The following HYDIN variants were observed in gnomAD, a reference collection of about 807,000 sequenced individuals.
HYDIN encodes the protein HYDIN axonemal central pair apparatus protein, also known as axonemal central pair apparatus protein HYDIN.
In HYDIN, 132 loss-of-function variants were observed where a neutral mutation model predicts 403.9. The observed-to-expected ratio is 0.33, with a 90% CI of 0.28 to 0.38. The LOEUF (loss-of-function observed/expected upper bound fraction) is 0.38, where lower values mean the gene tolerates loss of function less well. HYDIN is among the 10% of genes least tolerant of loss of function. The pLI, the probability that HYDIN is intolerant of heterozygous loss-of-function variation, is 1.00. For missense variants in HYDIN, 2,827 were observed against 5,009.5 expected, an observed-to-expected ratio of 0.56 and a Z score of 13.15; for synonymous variants, 1,202 against 1,891.7, an observed-to-expected ratio of 0.64 and a Z score of 9.46.
intron 18 of HYDIN, among the ~76,000 whole-genome samples, chr16:71,038,722 G>A (rs1429682151): frequency 5.9e-5 from 9 of 152,352 alleles, no homozygotes; most frequent in East Asian, 1.9e-4. Context: ...GTGCAGTGGC[G>A]CCATCTCGGA....
chr16:70,885,537 G>C (rs2041077802), intron 58 of HYDIN, among the ~76,000 whole-genome samples: 1 of 152,114 alleles, frequency 6.6e-6, no homozygotes, highest in African/African-American at 2.4e-5. Context: ...CAGAAAGCTA[G>C]AAGAGATGGA....
intron 83 of HYDIN, among the ~76,000 whole-genome samples, chr16:70,820,109 C>T (rs1391862405): frequency 6.0e-5 from 9 of 149,888 alleles, no homozygotes; most frequent in South Asian, 2.1e-4. Flanking sequence ...CTTGAGCCAC[C>T]GCGCCTGGCC....
chr16:71,215,279 G>A lies in HYDIN; in HGVS notation c.-24+15283C>T, dbSNP rs538034945. On this transcript the variant is annotated intron_variant, in intron 1 of 85. Transcript: ENST00000393567. The stretch of plus-strand genomic sequence containing the variant: ...AAGAAAGGGAGGAAGGAGGGGGAAG[G>A]AAGGAGGGAGGGAAAGAGGAAGGGA... 1.8e-3 allele frequency among the ~76,000 whole-genome samples: 280 copies of A among 152,180 alleles called. 3 individuals are homozygous for A. Among genetic ancestry groups the A allele is most frequent in the Non-Finnish European group, 3.4e-3 (228 of 67,994 alleles).
At position 70,979,639 on chromosome 16, in the gene HYDIN, G is replaced by A. The variant is rs558064568; in HGVS notation, c.4511-598C>T. ...CAAAGGTAGGAAAGTCATTTAAAATGCCTACTATAGGCCAGGTGTGGTGGC... is the reference window on the plus strand; with the variant it reads ...CAAAGGTAGGAAAGTCATTTAAAATACCTACTATAGGCCAGGTGTGGTGGC... On this transcript the variant is annotated intron_variant, in intron 29 of 85. Transcript: ENST00000393567. Among the ~76,000 whole-genome samples the A allele has an allele frequency of 2.0e-5, 3 of 152,282 alleles. No homozygotes were observed. The South Asian group carries it at 6.2e-4, about 32-fold the overall frequency.
chr16:71,224,998 G>C (rs1227611283), intron 1 of HYDIN, among the ~76,000 whole-genome samples: 1 of 152,212 alleles, frequency 6.6e-6, no homozygotes, highest in Non-Finnish European at 1.5e-5. Context: ...AGACAATCCA[G>C]CTTGGCTCAG....
At chr16:70,937,239 T>C (rs71403809) in intron 44 of HYDIN, among the ~76,000 whole-genome samples, 18,733 of 149,534 alleles carry the variant, frequency 0.13, 1,528 homozygotes, top group Non-Finnish European at 0.19. Context: ...ATGAGATGAA[T>C]GCCTGAAAGC....
intron 18 of HYDIN, among the ~76,000 whole-genome samples, chr16:71,040,499 C>T (rs1174515026): frequency 2.7e-5 from 4 of 147,230 alleles, no homozygotes; most frequent in Non-Finnish European, 6.0e-5. Context: ...CCCCCTCCCC[C>T]CCACACACAC....
In HYDIN at chr16:71,054,002, C is replaced by T. The variant is rs561390876; in HGVS notation, c.2529+6502G>A. 2.6e-5 allele frequency among the ~76,000 whole-genome samples: 4 copies of T among 152,318 alleles called. No individual in the cohort carries two copies. In the East Asian group the frequency reaches 7.7e-4, roughly 29 times the overall value. Reference sequence around the variant, plus strand: ...TGATGGCTGACTTTTATCATGCAACCTTGGCCAGTTCTCTTAACCAAGAGA... The same window carrying T: ...TGATGGCTGACTTTTATCATGCAACTTTGGCCAGTTCTCTTAACCAAGAGA... On this transcript the variant is annotated intron_variant, in intron 18 of 85. Transcript: ENST00000393567.
At chr16:70,839,226 T>G (rs1483099029) in intron 76 of HYDIN, among the ~76,000 whole-genome samples, 1 of 119,922 alleles carries the variant, frequency 8.3e-6, no homozygotes, top group East Asian at 2.2e-4. Flanking sequence ...ATCCTAATAG[T>G]CTTATATAGA....
At chr16:71,089,642 T>C (rs1269580801) in intron 11 of HYDIN, among the ~76,000 whole-genome samples, 6 of 152,200 alleles carry the variant, frequency 3.9e-5, no homozygotes, top group African/African-American at 1.4e-4. Context: ...TTAGAGATTA[T>C]TGTCATCCCT....
intron 1 of HYDIN, among the ~76,000 whole-genome samples, chr16:71,221,889 C>T (rs184761029): frequency 3.9e-5 from 6 of 152,216 alleles, no homozygotes; most frequent in Non-Finnish European, 7.3e-5. Context: ...TGTAAACAGA[C>T]CATAGCCTAC....
chr16:71,219,133 TC>T (rs1304658827), intron 1 of HYDIN, among the ~76,000 whole-genome samples: 1 of 152,198 alleles, frequency 6.6e-6, no homozygotes, highest in Non-Finnish European at 1.5e-5. Context: ...AAAATGAGCA[TC>T]AACAACATAG....
intron 75 of HYDIN, among the ~76,000 whole-genome samples, chr16:70,842,460 A>T (rs1184838748): frequency 6.6e-6 from 1 of 152,000 alleles, no homozygotes; most frequent in East Asian, 1.9e-4. Context: ...ATAATTTTCA[A>T]TCATTGAAAA....
At chr16:70,937,840 T>C (rs8062472) in intron 44 of HYDIN, among the ~76,000 whole-genome samples, 5,585 of 149,558 alleles carry the variant, frequency 0.037, 145 homozygotes, top group African/African-American at 0.13. Flanking sequence ...AGGTAGGAAA[T>C]AGAACCACTG....
chr16:70,824,308 C>T (rs796731), intron 83 of HYDIN, among the ~76,000 whole-genome samples: 1 of 151,400 alleles, frequency 6.6e-6, no homozygotes, highest in Non-Finnish European at 1.5e-5. Flanking sequence ...TCTTCCTACT[C>T]TTCTCTCTGA....
intron 57 of HYDIN, among the ~76,000 whole-genome samples, chr16:70,890,112 T>C (rs1263350072): frequency 6.6e-6 from 1 of 152,270 alleles, no homozygotes; most frequent in Admixed American, 6.5e-5. Flanking sequence ...ATAGTTGTGA[T>C]GTTTTTAAGG....
At chr16:70,821,468 A>T (rs1270697887) in intron 83 of HYDIN, among the ~76,000 whole-genome samples, 3 of 152,046 alleles carry the variant, frequency 2.0e-5, no homozygotes, top group South Asian at 2.1e-4. Context: ...TGGATAAAGA[A>T]TTTTTAGATG....
At chr16:71,208,418 G>A (rs373278845) in intron 1 of HYDIN, among the ~76,000 whole-genome samples, 3 of 152,084 alleles carry the variant, frequency 2.0e-5, no homozygotes, top group East Asian at 1.9e-4. Context: ...AGTGTTAAGA[G>A]GGAAATTTAT....
intron 10 of HYDIN, among the ~76,000 whole-genome samples, chr16:71,110,298 A>G (rs2144441401): frequency 7.0e-6 from 1 of 142,416 alleles, no homozygotes; most frequent in South Asian, 2.1e-4. Context: ...GATATAATAA[A>G]TATAATAAAT....
Sources: allele counts gnomAD v4.1 joint callset (sites outside exome capture counted in the v4.1 genomes callset), GRCh38; gene constraint gnomAD v4.1.1; transcripts MANE v1.5; gene names NCBI Gene and HGNC (gene_info 2026-07-23, HGNC 2026-07-21).